The following CUL2 variants were observed in gnomAD, a reference collection of about 807,000 sequenced individuals.
The protein encoded by CUL2 is cullin-2.
A neutral mutation model predicts 110.2 loss-of-function variants in CUL2; 22 were observed. The ratio of observed to expected loss-of-function variants is 0.20; its 90% CI spans 0.14 to 0.28. The LOEUF (loss-of-function observed/expected upper bound fraction) is 0.28. Among genes scored for constraint, CUL2 ranks in the 10% least tolerant of loss-of-function variants. CUL2 has a pLI of 1.00. For missense variants in CUL2, 631 were observed against 905.5 expected (o/e 0.70, Z 3.89); for synonymous variants, 279 against 293.2 (o/e 0.95, Z 0.49).
intron 3 of CUL2, among the ~76,000 whole-genome samples, chr10:35,061,211 C>T (rs576369480): frequency 2.0e-5 from 3 of 152,222 alleles, no homozygotes; most frequent in South Asian, 2.1e-4. Context: ...CAGTGGCTCA[C>T]GCCTGTAATT....
intron 14 of CUL2, 58 bp from the exon 15 acceptor site, chr10:35,029,698 GT>G: frequency 7.7e-7 from 1 of 1,297,260 alleles, no homozygotes; most frequent in Non-Finnish European, 1.1e-6. Context: ...AGTCATATTG[GT>G]TAATAATAAT....
At chr10:35,074,508 T>G (rs2086764274) in intron 1 of CUL2, among the ~76,000 whole-genome samples, 1 of 152,158 alleles carries the variant, frequency 6.6e-6, no homozygotes, top group South Asian at 2.1e-4. Context: ...CACTAGCTTT[T>G]TTTTTGTTTG....
At position 35,031,640 on chromosome 10, in the gene CUL2, A is replaced by G; in HGVS notation, c.1171-21T>C. The G allele has an allele frequency of 6.2e-7, 1 of 1,613,364 alleles. No homozygotes were observed. Among genetic ancestry groups the G allele is most frequent in the South Asian group, 1.1e-5 (1 of 91,044 alleles). On this transcript the variant is annotated intron_variant, in intron 12 of 20. Transcript: ENST00000374749. The surrounding 1 kb of genome is among the most constrained non-coding windows in gnomAD (Gnocchi z 4.4). ...GCAAGCTCATGTAGAAATTGATAAT[A>G]AATCTTACAAAGGGTGCTTCTGTAT... is the stretch of plus-strand genomic sequence containing the variant.
intron 5 of CUL2, among the ~76,000 whole-genome samples, chr10:35,050,104 C>T (rs528295344): frequency 2.0e-5 from 3 of 152,140 alleles, no homozygotes; most frequent in African/African-American, 7.2e-5. Flanking sequence ...GGGCACATCA[C>T]GAGGTCAGGA....
intron 1 of CUL2, among the ~76,000 whole-genome samples, chr10:35,075,635 AACACACACACACACACACACACACACAC>A (rs34714483): frequency 2.1e-5 from 3 of 140,990 alleles, no homozygotes; most frequent in African/African-American, 7.9e-5. Context: ...TGGGCCCTAA[AACACACACACACACACACACACACACAC>A]ACACACACAC....
chr10:35,115,398 A>G (rs1266541819), intron 1 of CUL2, among the ~76,000 whole-genome samples: 1 of 151,628 alleles, frequency 6.6e-6, no homozygotes, highest in Non-Finnish European at 1.5e-5. Flanking sequence ...CGTCTCTACT[A>G]AAACACAAAA....
chr10:35,011,353 C>A (rs1055425738), intron 20 of CUL2, among the ~76,000 whole-genome samples: 1 of 151,858 alleles, frequency 6.6e-6, no homozygotes, highest in African/African-American at 2.4e-5. Context: ...CATGGTGGCT[C>A]ACACCTGTAA....
rs200615688 is a variant in CUL2 at position 35,070,888 on chromosome 10, A to AT, written c.119+310dup. Among the ~76,000 whole-genome samples, 416 of 148,406 alleles carry AT rather than the reference A, an allele frequency of 2.8e-3. 2 individuals are homozygous for AT. Among genetic ancestry groups the AT allele is most frequent in the South Asian group, 9.2e-3 (43 of 4,682 alleles). On this transcript the variant is annotated intron_variant, in intron 2 of 20. Coordinates refer to ENST00000374749, the MANE Select transcript of CUL2 (RefSeq NM_003591.4). ...CTCTTCTTGAAAGCAATGACATTAG[A>AT]TTTTTTTTTTTACCTGTTTAGTGTC...
At chr10:35,093,107 GT>G (rs2087239131), upstream of CUL2, among the ~76,000 whole-genome samples, 1 of 152,026 alleles carries the variant, frequency 6.6e-6, no homozygotes, top group African/African-American at 2.4e-5. Flanking sequence ...CTCAAGGACT[GT>G]TTTCCACACC....
chr10:35,114,316 C>T (rs566697162), intron 1 of CUL2, among the ~76,000 whole-genome samples: 9 of 152,126 alleles, frequency 5.9e-5, no homozygotes, highest in Admixed American at 3.3e-4. Flanking sequence ...CTCCCTACCT[C>T]GGCCTCCTCA....
At chr10:35,032,878 A>G (rs1299030144) in intron 11 of CUL2, among the ~76,000 whole-genome samples, 3 of 151,998 alleles carry the variant, frequency 2.0e-5, no homozygotes, top group Non-Finnish European at 2.9e-5. Context: ...ATGGCCAAAG[A>G]AAAAAAATCA....
intron 1 of CUL2, among the ~76,000 whole-genome samples, chr10:35,081,599 G>T (rs1232825251): frequency 6.6e-6 from 1 of 152,134 alleles, no homozygotes; most frequent in East Asian, 1.9e-4. Flanking sequence ...AAAACATTGA[G>T]AACAAATTTT....
intron 16 of CUL2, 87 bp from the exon 17 acceptor site, chr10:35,025,285 A>T: frequency 7.0e-7 from 1 of 1,426,740 alleles, no homozygotes; most frequent in Admixed American, 3.1e-5. Context: ...AGCAATGAAA[A>T]CCATTCATAT....
intron 2 of CUL2, chr10:35,097,965 A>G (rs191037304): frequency 6.6e-6 from 1 of 152,170 alleles, no homozygotes; most frequent in East Asian, 1.9e-4. Context: ...ACTCAAAAAA[A>G]TTAATTAATT....
upstream of CUL2, among the ~76,000 whole-genome samples, chr10:35,093,967 A>G (rs571481764): frequency 1.2e-3 from 180 of 152,128 alleles, no homozygotes; most frequent in African/African-American, 4.1e-3. Flanking sequence ...TTGGTTTATT[A>G]TTTTTAAAAT....
intron 17 of CUL2, among the ~76,000 whole-genome samples, chr10:35,018,295 A>C (rs77006330): frequency 4.0e-5 from 5 of 124,514 alleles, no homozygotes; most frequent in Non-Finnish European, 5.6e-5. Flanking sequence ...TCACAAAAAA[A>C]AAAAAAAAAA....
In CUL2 at chr10:35,073,550, G is replaced by C. The variant is rs77025207; in HGVS notation, c.-22-2211C>G. Among the ~76,000 whole-genome samples the C allele has an allele frequency of 1.8e-3, 277 of 151,278 alleles. 2 individuals carry two copies. The East Asian group carries it at 0.039, about 21-fold the overall frequency. On this transcript the variant is annotated intron_variant, in intron 1 of 20. Transcript: ENST00000374749. ...TTTAATCCTCCCAACATTCTGACAG[G>C]TAGGTCCACTGTTGTCCCCATTTTC...
intron 6 of CUL2, among the ~76,000 whole-genome samples, chr10:35,046,289 ACTGAT>A (rs1255697746): frequency 2.6e-5 from 4 of 152,348 alleles, no homozygotes; most frequent in Non-Finnish European, 5.9e-5. Flanking sequence ...CTGGTGAGAT[ACTGAT>A]CTGAACTGTT....
chr10:35,032,368 A>G (rs1460935276), intron 12 of CUL2, 67 bp downstream of exon 12: 2 of 1,312,652 alleles, frequency 1.5e-6, no homozygotes, highest in African/African-American at 3.0e-5. Flanking sequence ...TTAATTTGAT[A>G]TTCTGAGTTC....
Sources: gnomAD v4.1 joint callset for allele counts (sites outside exome capture counted in the v4.1 genomes callset) on GRCh38, gnomAD v4.1.1 for gene constraint, Gnocchi (gnomAD v3.1) non-coding constraint, MANE v1.5 for transcripts, NCBI Gene and HGNC (gene_info 2026-07-23, HGNC 2026-07-21) for gene names.